The following SWT1 variants were observed in gnomAD, a reference collection of about 807,000 sequenced individuals.
SWT1 encodes SWT1 RNA endoribonuclease homolog.
SWT1 carries 33 observed loss-of-function variants against 107.3 expected under a neutral mutation model. The ratio of observed to expected loss-of-function variants is 0.31; its 90% CI spans 0.23 to 0.41. SWT1 has a LOEUF of 0.41. Ranked by LOEUF, SWT1 falls within the 10% of genes least tolerant of loss-of-function variation. The pLI, the probability that SWT1 is intolerant of heterozygous loss-of-function variation, is 1.00. For missense variants in SWT1, 898 were observed against 1,028.9 expected (o/e 0.87, Z 1.74); for synonymous variants, 345 against 348.3 (o/e 0.99, Z 0.11).
At chr1:185,200,946 G>A (rs1571486610) in intron 10 of SWT1, among the ~76,000 whole-genome samples, 1 of 152,194 alleles carries the variant, frequency 6.6e-6, no homozygotes, top group African/African-American at 2.4e-5. Context: ...GAGGTGCCCT[G>A]CCCAGAGAGG....
chr1:185,200,421 A>G (rs1657774949), intron 10 of SWT1, among the ~76,000 whole-genome samples: 1 of 151,950 alleles, frequency 6.6e-6, no homozygotes, highest in Non-Finnish European at 1.5e-5. Context: ...TGACCTTCAG[A>G]TAGGGTTTCT....
rs568052373 is a variant in SWT1 at position 185,282,449 on chromosome 1, G to C, written c.2573+5781G>C. ...GCTGGACCCATGTAGCTTCTTGGGG[G>C]GCGGCACACACAGAGAAGGCATGGA... On this transcript the variant is annotated intron_variant, in intron 18 of 18. Transcript: ENST00000367500. Among the ~76,000 whole-genome samples, 3 of 151,758 alleles carry C rather than the reference G, an allele frequency of 2.0e-5. No individual in the cohort carries two copies. In the South Asian group the frequency reaches 6.3e-4, roughly 32 times the overall value.
At chr1:185,195,332 C>CT (rs1356909114) in intron 10 of SWT1, among the ~76,000 whole-genome samples, 2 of 152,154 alleles carry the variant, frequency 1.3e-5, no homozygotes, top group Non-Finnish European at 2.9e-5. Flanking sequence ...ATGAACTCAT[C>CT]TTTTTTTATG....
intron 9 of SWT1, among the ~76,000 whole-genome samples, chr1:185,185,400 A>G (rs1656384894): frequency 1.3e-5 from 2 of 152,126 alleles, no homozygotes. Context: ...AATTTTTTTC[A>G]ATATTAGTTT....
At chr1:185,160,808 C>T (rs1267416620) in intron 1 of SWT1, 25 bp from the exon 2 acceptor site, 10 of 1,539,872 alleles carry the variant, frequency 6.5e-6, no homozygotes, top group Non-Finnish European at 8.8e-6. Flanking sequence ...AAAAACAAAT[C>T]CTATATTTTT....
chr1:185,266,064 A>G (rs918609029), intron 16 of SWT1, among the ~76,000 whole-genome samples: 3 of 151,950 alleles, frequency 2.0e-5, no homozygotes, highest in African/African-American at 7.3e-5. Flanking sequence ...TAGAATTTAA[A>G]TTTTATTTTT....
At chr1:185,279,575 A>G (rs1012931740) in intron 18 of SWT1, among the ~76,000 whole-genome samples, 2 of 152,076 alleles carry the variant, frequency 1.3e-5, no homozygotes, top group African/African-American at 4.8e-5. Flanking sequence ...GCAAGCTTTC[A>G]GTTAATACTA....
chr1:185,209,620 A>G (rs1426967664), intron 13 of SWT1, among the ~76,000 whole-genome samples: 2 of 152,100 alleles, frequency 1.3e-5, no homozygotes, highest in East Asian at 3.9e-4. Flanking sequence ...TATCCACTCT[A>G]TCATTGAAGG....
chr1:185,166,838 G>A (rs1456716200), intron 3 of SWT1, among the ~76,000 whole-genome samples, 186 bp downstream of exon 3: 1 of 152,058 alleles, frequency 6.6e-6, no homozygotes, highest in Non-Finnish European at 1.5e-5. Context: ...CCTACCATGT[G>A]GGATTAGACA....
Position 185,184,911 on chromosome 1 carries a change from A to T in SWT1, c.1409A>T (p.Gln470Leu). 6.8e-7 allele frequency: 1 copy of T among 1,478,640 alleles called. No individual in the cohort carries two copies. Among genetic ancestry groups the T allele is most frequent in the Non-Finnish European group, 9.0e-7 (1 of 1,114,958 alleles). 91.6% of individuals were successfully genotyped at this position (1,478,640 alleles called of 1,614,324 possible). A position where few individuals can be genotyped will look rare whatever the true frequency, so the allele number is the denominator to read the frequency against. Reference sequence around the variant, plus strand: ...AGAAAGCTATGGGGTCAGTCAATACAACTTGCATCCCAAAAACATTGTAAG... The same window carrying T: ...AGAAAGCTATGGGGTCAGTCAATACTACTTGCATCCCAAAAACATTGTAAG... Reference protein sequence around the residue: ...QDRKLWGQSIQLASQKHYGLS... With the variant: ...QDRKLWGQSILLASQKHYGLS... Residue 470 changes from glutamine to leucine, a missense_variant, in exon 9 of 19, where the codon CAA (glutamine) becomes CTA (leucine). Gln to Leu is a moderately radical substitution (Grantham distance 113). Around this residue, in one of 6 missense-constraint regions of SWT1, gnomAD observed 34 missense variants for 50.2 expected, o/e 0.68. Transcript: ENST00000367500.
chr1:185,188,616 A>G (rs1301384428), intron 9 of SWT1, among the ~76,000 whole-genome samples: 1 of 152,212 alleles, frequency 6.6e-6, no homozygotes. Flanking sequence ...TCTGCTTAGC[A>G]TGGCACAAAT....
intron 18 of SWT1, chr1:185,281,348 C>T (rs1033170938): frequency 1.3e-5 from 3 of 236,624 alleles, no homozygotes; most frequent in Middle Eastern, 3.7e-3. Flanking sequence ...ACCACAAAAA[C>T]ATTTGAGCAT....
chr1:185,244,478 C>T (rs1054770009), intron 16 of SWT1, among the ~76,000 whole-genome samples: 13 of 151,796 alleles, frequency 8.6e-5, no homozygotes, highest in African/African-American at 3.1e-4. Flanking sequence ...CTTAAAAATA[C>T]GGTATAAAAG....
Position 185,239,104 on chromosome 1 carries a change from T to TAAG in SWT1, c.2441+7397_2441+7398insAGA, listed in dbSNP as rs527944198. 5.0e-3 allele frequency among the ~76,000 whole-genome samples: 764 copies of TAAG among 152,220 alleles called. 4 individuals are homozygous for TAAG. Among genetic ancestry groups the TAAG allele is most frequent in the Non-Finnish European group, 7.9e-3 (534 of 67,998 alleles). On this transcript the variant is annotated intron_variant, in intron 16 of 18. Transcript: ENST00000367500. The stretch of plus-strand genomic sequence containing the variant: ...TGGGGCTCGATAATCAGGTGATCTT[T>TAAG]AGCTTGGCCTTTCAGTTAAAGAAGT...
chr1:185,231,614 C>G lies in SWT1; in HGVS notation c.2347C>G (p.Leu783Val), dbSNP rs573799309. 2.5e-5 allele frequency: 41 copies of G among 1,610,674 alleles called. No homozygotes were observed. In the South Asian group the frequency reaches 4.3e-4, roughly 17 times the overall value. Residue 783 changes from leucine to valine, a missense_variant, in exon 16 of 19, where the codon CTG becomes GTG. Coordinates refer to ENST00000367500, the MANE Select transcript of SWT1 (RefSeq NM_017673.7). ...TCAAAGATTGGGCTCAAATTCAGCT[C>G]TGACTACTTCAAATATAGCATCATT... ...VFQRLGSNSA[L>V]TTSNIASFEE...
intron 17 of SWT1, among the ~76,000 whole-genome samples, chr1:185,275,184 C>T (rs142263711): frequency 1.3e-5 from 2 of 152,000 alleles, no homozygotes; most frequent in Admixed American, 6.5e-5. Context: ...ATGGATCATT[C>T]GCTTCATCCT....
Position 185,174,455 on chromosome 1 carries a change from C to T in SWT1, c.308C>T (p.Ser103Leu), listed in dbSNP as rs750911804. 6.2e-7 allele frequency: 1 copy of T among 1,609,160 alleles called. No homozygotes were observed. The highest frequency in any genetic ancestry group is 8.5e-7 in the Non-Finnish European group (1 of 1,178,524). ...AGACCTATTAAACTCAAAGAAGCAT[C>T]ATATTCAAATGATAATCAAATTATT... The part of the protein sequence containing the change: ...SQRPIKLKEA[S>L]YSNDNQIILQ... The change falls in exon 5 of 19, where the codon TCA becomes TTA. Residue 103 changes from serine (S) to leucine (L), a missense_variant. Transcript: ENST00000367500.
intron 16 of SWT1, among the ~76,000 whole-genome samples, chr1:185,238,334 C>T (rs1661041682): frequency 6.6e-6 from 1 of 152,002 alleles, no homozygotes; most frequent in South Asian, 2.1e-4. Context: ...CATAAAACAG[C>T]CATAATAATA....
At chr1:185,177,269 T>C (rs1655650328) in intron 5 of SWT1, among the ~76,000 whole-genome samples, 1 of 152,210 alleles carries the variant, frequency 6.6e-6, no homozygotes, top group African/African-American at 2.4e-5. Flanking sequence ...GTGATCATCA[T>C]TGTGTCATTG....
Sources: allele counts gnomAD v4.1 joint callset (sites outside exome capture counted in the v4.1 genomes callset), GRCh38; gene constraint gnomAD v4.1.1; regional missense constraint gnomAD v4.1.1; transcripts MANE v1.5; gene names NCBI Gene and HGNC (gene_info 2026-07-23, HGNC 2026-07-21).